The following ARHGEF6 variants were observed in gnomAD, a reference collection of about 807,000 sequenced individuals.
ARHGEF6 encodes the protein rho guanine nucleotide exchange factor 6.
Under a neutral mutation model 70.3 loss-of-function variants are expected in ARHGEF6, and 9 were observed. The observed-to-expected ratio is 0.13, with a 90% CI of 0.08 to 0.22. ARHGEF6 has a LOEUF of 0.22. Ranked by LOEUF, ARHGEF6 falls within the 10% of genes least tolerant of loss-of-function variation. The pLI is 1.00. For missense variants in ARHGEF6, 470 were observed against 563.0 expected (o/e 0.83, Z 1.67); for synonymous variants, 201 against 207.8 (o/e 0.97, Z 0.28).
intron 19 of ARHGEF6, among the ~76,000 whole-genome samples, chrX:136,674,677 A>G (rs1466140554): frequency 1.8e-5 from 2 of 112,186 alleles, no homozygotes; most frequent in African/African-American, 3.2e-5. Flanking sequence ...GGAACTCTCT[A>G]GGCCCTTTAA....
intron 10 of ARHGEF6, among the ~76,000 whole-genome samples, chrX:136,689,028 C>T (rs2076432924): frequency 8.9e-6 from 1 of 111,839 alleles, no homozygotes; most frequent in Admixed American, 9.5e-5. Flanking sequence ...CCCCACTAGT[C>T]TCGGGTGATA....
At chrX:136,671,563 G>A (rs761598358) in intron 20 of ARHGEF6, among the ~76,000 whole-genome samples, 10 of 112,315 alleles carry the variant, frequency 8.9e-5, no homozygotes, top group Non-Finnish European at 1.5e-4. Context: ...TGTGAAAGTG[G>A]TGAGAGTAAT....
Position 136,753,433 on chromosome X carries a change from G to A in ARHGEF6, c.250-5841C>T, listed in dbSNP as rs1285589649. ...CATTTCCCATCTGGAAAGTGTCTTT[G>A]AGCAAAGGAGCTCAGTGAGAGGTCT... On this transcript the variant is annotated intron_variant, in intron 2 of 21. Coordinates refer to ENST00000250617, the MANE Select transcript of ARHGEF6 (RefSeq NM_004840.3). Among the ~76,000 whole-genome samples the A allele has an allele frequency of 5.4e-5, 6 of 111,286 alleles. No homozygotes were observed. In the Admixed American group the frequency reaches 5.7e-4, roughly 11 times the overall value.
intron 2 of ARHGEF6, among the ~76,000 whole-genome samples, chrX:136,769,140 G>A (rs1036287980): frequency 8.9e-6 from 1 of 111,818 alleles, no homozygotes; most frequent in African/African-American, 3.3e-5. Context: ...GGCTGGGTGC[G>A]GTGGCTCCTG....
At chrX:136,744,068 C>T (rs1367888899) in intron 4 of ARHGEF6, among the ~76,000 whole-genome samples, 2 of 111,595 alleles carry the variant, frequency 1.8e-5, no homozygotes, top group Non-Finnish European at 3.8e-5. Flanking sequence ...TAAAGATTAT[C>T]TATTTAACTA....
At chrX:136,756,627 T>C (rs1254612333) in intron 2 of ARHGEF6, among the ~76,000 whole-genome samples, 1 of 111,629 alleles carries the variant, frequency 9.0e-6, no homozygotes, top group Admixed American at 9.5e-5. Context: ...TAACGTGTAA[T>C]TGGAAAGACT....
chrX:136,780,678 G>A (rs1051705464), intron 1 of ARHGEF6, 40 bp downstream of exon 1: 1 of 1,137,914 alleles, frequency 8.8e-7, no homozygotes, highest in Non-Finnish European at 1.2e-6. Context: ...GCTGCTCTCT[G>A]GTGATAAGCA....
chrX:136,722,916 T>C (rs1012710793), intron 6 of ARHGEF6, among the ~76,000 whole-genome samples: 7 of 112,294 alleles, frequency 6.2e-5, no homozygotes, highest in Non-Finnish European at 7.5e-5. Context: ...AACTGATAAA[T>C]AGATAAATAA....
intron 2 of ARHGEF6, among the ~76,000 whole-genome samples, chrX:136,762,305 A>G (rs1256494677): frequency 8.9e-6 from 1 of 112,324 alleles, no homozygotes; most frequent in Non-Finnish European, 1.9e-5. Context: ...GCTTACCATA[A>G]CTGAACTAAG....
At chrX:136,754,864 G>C (rs757210129) in intron 2 of ARHGEF6, among the ~76,000 whole-genome samples, 2 of 111,182 alleles carry the variant, frequency 1.8e-5, no homozygotes, top group Non-Finnish European at 3.8e-5. Flanking sequence ...CCAGTTTTGC[G>C]GTGTGGGGTG....
intron 2 of ARHGEF6, among the ~76,000 whole-genome samples, chrX:136,775,395 T>C (rs1207001120): frequency 8.9e-6 from 1 of 111,882 alleles, no homozygotes; most frequent in African/African-American, 3.3e-5. Flanking sequence ...GTTTAACACA[T>C]GCAAGTCAAT....
chrX:136,696,539 GC>G (rs1482877630), intron 9 of ARHGEF6, among the ~76,000 whole-genome samples: 1 of 110,427 alleles, frequency 9.1e-6, no homozygotes, highest in Non-Finnish European at 1.9e-5. Context: ...GATTGCTTGA[GC>G]CCAGGAGTTC....
intron 13 of ARHGEF6, among the ~76,000 whole-genome samples, chrX:136,682,373 T>C (rs758423727): frequency 8.9e-6 from 1 of 112,240 alleles, no homozygotes; most frequent in African/African-American, 3.2e-5. Flanking sequence ...AGGAGTTTAA[T>C]AACATGCTTC....
At chrX:136,780,406 G>A (rs1345574113) in intron 1 of ARHGEF6, among the ~76,000 whole-genome samples, 3 of 110,597 alleles carry the variant, frequency 2.7e-5, no homozygotes, top group Admixed American at 9.6e-5. Flanking sequence ...ACATGTCCTC[G>A]GTACACAAGG....
intron 21 of ARHGEF6, among the ~76,000 whole-genome samples, chrX:136,668,862 G>C (rs1043025846): frequency 1.8e-5 from 2 of 110,756 alleles, no homozygotes; most frequent in African/African-American, 6.6e-5. Context: ...TTAATCCCTG[G>C]CTCTTTCTTA....
chrX:136,691,991 A>G (rs1405503549), intron 9 of ARHGEF6, among the ~76,000 whole-genome samples: 2 of 111,550 alleles, frequency 1.8e-5, no homozygotes, highest in Admixed American at 1.9e-4. Context: ...TAAGGTGTGA[A>G]GTGTGTTCAA....
At chrX:136,682,876 C>T (rs771437716) in intron 12 of ARHGEF6, 32 bp from the exon 13 acceptor site, 1 of 1,068,324 alleles carries the variant, frequency 9.4e-7, no homozygotes, top group Non-Finnish European at 1.3e-6. Flanking sequence ...ACATGAAGAA[C>T]AGAATTGGAC....
In ARHGEF6 at chrX:136,666,738, G is replaced by T. The variant is rs887232138; in HGVS notation, c.*1291C>A. The T allele has an allele frequency of 4.5e-5, 5 of 111,679 alleles. No homozygotes were observed. Among genetic ancestry groups the T allele is most frequent in the African/African-American group, 1.6e-4 (5 of 30,665 alleles). 9.2% of individuals were successfully genotyped at this position (111,679 alleles called of 1,213,427 possible). A position where few individuals can be genotyped will look rare whatever the true frequency, so the allele number is the denominator to read the frequency against. Reference sequence around the variant, plus strand: ...TGAATTTGGATGTGTGCTGTTCTGTGACTGTCTTCTAAACCTGGTTTCTCA... The same window carrying T: ...TGAATTTGGATGTGTGCTGTTCTGTTACTGTCTTCTAAACCTGGTTTCTCA... On this transcript the variant is annotated 3_prime_UTR_variant, in exon 22 of 22. Transcript: ENST00000250617.
At chrX:136,750,012 CACA>C (rs1273179465) in intron 2 of ARHGEF6, among the ~76,000 whole-genome samples, 4 of 111,831 alleles carry the variant, frequency 3.6e-5, no homozygotes, top group Non-Finnish European at 7.5e-5. Flanking sequence ...CTGGAGGGAT[CACA>C]ACATTTTCAG....
Sources: allele counts gnomAD v4.1 joint callset (sites outside exome capture counted in the v4.1 genomes callset), GRCh38; gene constraint gnomAD v4.1.1; transcripts MANE v1.5; gene names NCBI Gene and HGNC (gene_info 2026-07-23, HGNC 2026-07-21).